Variants in SNUPN observed in about 807,000 individuals in gnomAD.
SNUPN encodes the protein snurportin-1.
A neutral mutation model predicts 39.2 loss-of-function variants in SNUPN; 31 were observed. The ratio of observed to expected loss-of-function variants is 0.79; its 90% CI spans 0.59 to 1.07. SNUPN has a LOEUF of 1.07. Among genes scored for constraint, SNUPN ranks in the 50% least tolerant of loss-of-function variants. The pLI is 0.00. For synonymous variants in SNUPN, 132 were observed against 159.0 expected, an observed-to-expected ratio of 0.83 and a Z score of 1.28; for missense variants, 382 against 434.2, an observed-to-expected ratio of 0.88 and a Z score of 1.07.
intron 3 of SNUPN, among the ~76,000 whole-genome samples, chr15:75,610,803 A>G (rs542077994): frequency 6.6e-6 from 1 of 152,260 alleles, no homozygotes; most frequent in East Asian, 1.9e-4. Flanking sequence ...AACCAAACCA[A>G]CAAAAACAGT....
intron 3 of SNUPN, among the ~76,000 whole-genome samples, chr15:75,613,642 C>CAA (rs58623437): frequency 0.025 from 3,243 of 128,188 alleles, 92 homozygotes; most frequent in African/African-American, 0.065. Context: ...GACTCCAACT[C>CAA]AAAAAAAAAA....
chr15:75,610,137 C>G, intron 3 of SNUPN, 143 bp from the exon 4 acceptor site: 1 of 663,228 alleles, frequency 1.5e-6, no homozygotes, highest in East Asian at 2.8e-5. Context: ...GGGGCTCATG[C>G]TTGTAATCCC....
At chr15:75,611,689 T>C (rs1347218339) in intron 3 of SNUPN, among the ~76,000 whole-genome samples, 2 of 151,848 alleles carry the variant, frequency 1.3e-5, no homozygotes, top group African/African-American at 4.8e-5. Context: ...AAGCCGTCTC[T>C]ACTAAAAATA....
intron 6 of SNUPN, among the ~76,000 whole-genome samples, chr15:75,605,646 GATAC>G (rs1167570558): frequency 5.3e-5 from 8 of 152,154 alleles, no homozygotes; most frequent in Non-Finnish European, 2.9e-5. Flanking sequence ...AATTTAAAAA[GATAC>G]ATACAGTCTT....
intron 3 of SNUPN, among the ~76,000 whole-genome samples, chr15:75,611,369 C>T (rs1390496953): frequency 6.6e-6 from 1 of 150,420 alleles, no homozygotes; most frequent in African/African-American, 2.4e-5. Context: ...TCTCCTGCCT[C>T]AGCCTCCCGA....
At position 75,601,172 on chromosome 15, in the gene SNUPN, A is replaced by C; in HGVS notation, c.725T>G (p.Leu242Arg). The stretch of plus-strand genomic sequence containing the variant: ...GAAATCCATAGATAGCACATCACAC[A>C]GGCTTTCGGGAGTGCAAGGGAAGTT... ...LKNFPCTPESLCDVLSMDFPF... is the reference protein window; with the variant it reads ...LKNFPCTPESRCDVLSMDFPF... The change falls in exon 8 of 9, where the codon CTG (leucine) becomes CGG (arginine). Residue 242 changes from leucine (L) to arginine (R), a missense_variant. Leu to Arg is a moderately radical substitution (Grantham distance 102). Transcript: ENST00000308588. The C allele has an allele frequency of 6.2e-7, 1 of 1,613,854 alleles. No individual in the cohort carries two copies. Among genetic ancestry groups the C allele is most frequent in the South Asian group, 1.1e-5 (1 of 91,080 alleles).
intron 3 of SNUPN, among the ~76,000 whole-genome samples, chr15:75,610,910 C>T (rs529102914): frequency 6.6e-6 from 1 of 152,240 alleles, no homozygotes; most frequent in East Asian, 1.9e-4. Flanking sequence ...TGGCTCACGC[C>T]TGTAGTCCCA....
Position 75,600,972 on chromosome 15 carries a change from G to C in SNUPN, c.759+166C>G, listed in dbSNP as rs62027211. 8.4e-6 allele frequency: 5 copies of C among 591,754 alleles called. No individual in the cohort carries two copies. The Admixed American group carries it at 1.2e-4, about 15-fold the overall frequency. 36.7% of individuals were successfully genotyped at this position (591,754 alleles called of 1,614,324 possible). On this transcript the variant is annotated intron_variant, in intron 8 of 8. Transcript: ENST00000308588. ...TTCTGACTTATCCAGCATGGGTGGA[G>C]CTCAGGCTCTGAAGGGCAGCAAGTA...
intron 1 of SNUPN, among the ~76,000 whole-genome samples, chr15:75,623,595 C>T (rs1353512021): frequency 3.9e-5 from 6 of 152,014 alleles, no homozygotes; most frequent in African/African-American, 2.4e-5. Flanking sequence ...TAGACATGCA[C>T]CACCATGCTC....
chr15:75,603,980 A>G (rs998092000), intron 7 of SNUPN, among the ~76,000 whole-genome samples: 2 of 152,076 alleles, frequency 1.3e-5, no homozygotes, highest in Non-Finnish European at 1.5e-5. Context: ...TCTACTTCGT[A>G]GGGTTACTGT....
chr15:75,621,305 G>A (rs1893064711), intron 1 of SNUPN, among the ~76,000 whole-genome samples: 1 of 143,070 alleles, frequency 7.0e-6, no homozygotes, highest in African/African-American at 2.7e-5. Context: ...CTATCACCCA[G>A]GTCGGAGTGT....
At chr15:75,616,097 G>A (rs1264503619) in intron 3 of SNUPN, among the ~76,000 whole-genome samples, 1 of 151,866 alleles carries the variant, frequency 6.6e-6, no homozygotes, top group Non-Finnish European at 1.5e-5. Context: ...CTGTATTTGG[G>A]GTAAAGAAAG....
intron 7 of SNUPN, among the ~76,000 whole-genome samples, chr15:75,601,974 C>T (rs897935559): frequency 6.6e-6 from 1 of 152,082 alleles, no homozygotes; most frequent in Non-Finnish European, 1.5e-5. Flanking sequence ...AATTCCTGGG[C>T]TCAAGGGATT....
At chr15:75,617,298 T>C (rs1000233971) in intron 3 of SNUPN, 110 bp downstream of exon 3, 42 of 1,205,860 alleles carry the variant, frequency 3.5e-5, no homozygotes, top group Non-Finnish European at 4.7e-5. Context: ...TCCTATTCCT[T>C]TTTCCTGCCT....
chr15:75,599,221 A>G lies in SNUPN; in HGVS notation c.760-540T>C, dbSNP rs2075266066. 2.0e-5 allele frequency among the ~76,000 whole-genome samples: 3 copies of G among 152,060 alleles called. No homozygotes were observed. The South Asian group carries it at 6.2e-4, about 32-fold the overall frequency. Reference sequence around the variant, plus strand: ...AAACATAAATAGCACTTTCCTGTTTACAGAGTGCTTTCCTGCCCACTATTT... The same window carrying G: ...AAACATAAATAGCACTTTCCTGTTTGCAGAGTGCTTTCCTGCCCACTATTT... On this transcript the variant is annotated intron_variant, in intron 8 of 8. Transcript: ENST00000308588.
At chr15:75,623,270 G>C (rs998764377) in intron 1 of SNUPN, among the ~76,000 whole-genome samples, 1 of 151,730 alleles carries the variant, frequency 6.6e-6, no homozygotes. Flanking sequence ...TCAGCCTCCC[G>C]CGTAGCTGGG....
intron 3 of SNUPN, among the ~76,000 whole-genome samples, chr15:75,612,228 T>C (rs1892802203): frequency 6.6e-6 from 1 of 152,106 alleles, no homozygotes; most frequent in African/African-American, 2.4e-5. Flanking sequence ...AGACAGGGTT[T>C]CACCATTTTG....
intron 4 of SNUPN, 28 bp from the exon 5 acceptor site, chr15:75,609,679 A>G: frequency 6.5e-7 from 1 of 1,542,284 alleles, no homozygotes; most frequent in Non-Finnish European, 8.9e-7. Flanking sequence ...TACCATTCTT[A>G]TTAGACCTCA....
intron 7 of SNUPN, 70 bp from the exon 8 acceptor site, chr15:75,601,288 T>G: frequency 2.5e-5 from 29 of 1,158,126 alleles, no homozygotes; most frequent in Non-Finnish European, 3.4e-5. Flanking sequence ...TGAAAATCTC[T>G]GTCAGGCCAG....
Sources: allele counts gnomAD v4.1 joint callset (sites outside exome capture counted in the v4.1 genomes callset), GRCh38; gene constraint gnomAD v4.1.1; transcripts MANE v1.5; gene names NCBI Gene and HGNC (gene_info 2026-07-23, HGNC 2026-07-21).